The following HIP1R variants were observed in gnomAD, a reference collection of about 807,000 sequenced individuals.
The protein encoded by HIP1R is huntingtin interacting protein 1 related.
Under a neutral mutation model 144.2 loss-of-function variants are expected in HIP1R, and 135 were observed. The ratio of observed to expected loss-of-function variants is 0.94; its 90% CI spans 0.81 to 1.08. HIP1R has a LOEUF of 1.08. HIP1R is among the 50% of genes least tolerant of loss of function. The probability of loss-of-function intolerance (pLI) is 0.00; values close to 1 mark genes in which losing one functional copy is unlikely to be tolerated. For missense variants in HIP1R, 1,462 were observed against 1,432.8 expected (o/e 1.02, Z -0.33); for synonymous variants, 698 against 612.8 (o/e 1.14, Z -2.05).
intron 30 of HIP1R, 41 bp downstream of exon 30, chr12:122,861,233 C>G: frequency 6.2e-7 from 1 of 1,613,248 alleles, no homozygotes. Flanking sequence ...GAGCTCATCC[C>G]TCGGGCGAAG....
chr12:122,843,721 C>A (rs942900281), intron 1 of HIP1R, among the ~76,000 whole-genome samples: 1 of 152,202 alleles, frequency 6.6e-6, no homozygotes, highest in Non-Finnish European at 1.5e-5. Context: ...TTTTTCGAGA[C>A]CCGAAAAGCT....
chr12:122,858,990 T>C (rs2033680196), intron 21 of HIP1R, 45 bp downstream of exon 21: 1 of 1,609,658 alleles, frequency 6.2e-7, no homozygotes, highest in African/African-American at 1.3e-5. Context: ...CTCACTGGCT[T>C]GTCTCCCCTG....
rs371704052 is a variant in HIP1R at position 122,860,461 on chromosome 12, G to A, written c.2598G>A (p.Ser866=). ...AGCAGGAATTTTACGCCAAGAACTC[G>A]CGCTGGACCGAAGGCCTCATCTCGG... The part of the protein sequence containing the change: ...ATQQEFYAKN[S]RWTEGLISAS... Residue 866 remains serine (S), a synonymous_variant, in exon 27 of 32, where the codon TCG becomes TCA. Transcript: ENST00000253083. The A allele has an allele frequency of 3.1e-5, 50 of 1,613,382 alleles. 1 individual carries two copies. In the South Asian group the frequency reaches 4.2e-4, roughly 13 times the overall value.
At chr12:122,856,794 T>A in intron 17 of HIP1R, 68 bp downstream of exon 17, 1 of 1,367,954 alleles carries the variant, frequency 7.3e-7, no homozygotes, top group Non-Finnish European at 1.0e-6. Flanking sequence ...CAGGTCCTCT[T>A]TCCCGTGAAC....
At chr12:122,849,369 G>T (rs1018741291) in intron 4 of HIP1R, among the ~76,000 whole-genome samples, 26 of 152,258 alleles carry the variant, frequency 1.7e-4, no homozygotes, top group Admixed American at 9.2e-4. Flanking sequence ...TGCCTGGGCA[G>T]GGACATAGGA....
At chr12:122,846,124 G>A (rs1272513956) in intron 1 of HIP1R, among the ~76,000 whole-genome samples, 1 of 152,174 alleles carries the variant, frequency 6.6e-6, no homozygotes, top group Non-Finnish European at 1.5e-5. Context: ...AGACGGACAC[G>A]CCTGGCTTGT....
At chr12:122,851,702 A>G (rs1297823932) in intron 7 of HIP1R, among the ~76,000 whole-genome samples, 7 of 138,856 alleles carry the variant, frequency 5.0e-5, no homozygotes, top group African/African-American at 1.2e-4. Context: ...AAAAAAGAAA[A>G]AGAAATGCCC....
At position 122,840,335 on chromosome 12, in the gene HIP1R, G is replaced by T. The variant is rs2033024043; in HGVS notation, c.93+4692G>T. Among the ~76,000 whole-genome samples, 1 of 152,226 alleles carries T rather than the reference G, an allele frequency of 6.6e-6. No individual in the cohort carries two copies. Among genetic ancestry groups the T allele is most frequent in the Admixed American group, 6.5e-5 (1 of 15,280 alleles). On this transcript the variant is annotated intron_variant, in intron 1 of 31. Coordinates refer to ENST00000253083, the MANE Select transcript of HIP1R (RefSeq NM_003959.3). The surrounding 1 kb of genome is among the most constrained non-coding windows in gnomAD (Gnocchi z 4.2). The stretch of plus-strand genomic sequence containing the variant: ...CCTGTAGCTTTGGGGTGTGCCCCAG[G>T]AAGGTCCGAGTCATCTTTGTACCCT...
At chr12:122,853,214 G>A (rs12298151) in intron 7 of HIP1R, among the ~76,000 whole-genome samples, 14,912 of 150,896 alleles carry the variant, frequency 0.099, 952 homozygotes, top group East Asian at 0.23. Flanking sequence ...TACAAGGCCC[G>A]ATTGTCAGGG....
In HIP1R at chr12:122,858,169, C is replaced by T. The variant is rs920789965; in HGVS notation, c.1883C>T (p.Ala628Val). 2 of 1,607,086 alleles carry T rather than the reference C, an allele frequency of 1.2e-6. No individual in the cohort carries two copies. The highest frequency in any genetic ancestry group is 1.7e-6 in the Non-Finnish European group (2 of 1,178,406). The change falls in exon 19 of 32, where the codon GCT becomes GTT. Residue 628 changes from alanine to valine, a missense_variant. Ala to Val is a moderately conservative substitution (Grantham distance 64). Transcript: ENST00000253083. ...DEQFAVLRGAAAEAAGILQDA... is the reference protein window; with the variant it reads ...DEQFAVLRGAVAEAAGILQDA... ...CAGTTCGCAGTGTTGCGGGGCGCTGCTGCCGAGGCCGCGGGCATCCTGCAG... is the reference window on the plus strand; with the variant it reads ...CAGTTCGCAGTGTTGCGGGGCGCTGTTGCCGAGGCCGCGGGCATCCTGCAG...
At chr12:122,857,364 A>C in intron 18 of HIP1R, 149 bp downstream of exon 18, 1 of 764,726 alleles carries the variant, frequency 1.3e-6, no homozygotes, top group Admixed American at 2.1e-5. Flanking sequence ...TTCACTCAGC[A>C]TCACGTTGTC....
chr12:122,835,635 A>C lies in HIP1R; in HGVS notation c.85A>C (p.Lys29Gln). 1.7e-6 allele frequency: 2 copies of C among 1,192,476 alleles called. No individual in the cohort carries two copies. The highest frequency in any genetic ancestry group is 1.7e-5 in the African/African-American group (1 of 57,222). 73.9% of individuals were successfully genotyped at this position (1,192,476 alleles called of 1,614,324 possible). ...SLEAEREQFDKTQAISISKAI... is the reference protein window; with the variant it reads ...SLEAEREQFDQTQAISISKAI... ...GGAGGCCGAGCGCGAGCAGTTCGACAAGACCCAGGCGAGCGGGCGGCGGGC... is the reference window on the plus strand; with the variant it reads ...GGAGGCCGAGCGCGAGCAGTTCGACCAGACCCAGGCGAGCGGGCGGCGGGC... Residue 29 changes from lysine to glutamine, a missense_variant, in exon 1 of 32, where the codon AAG becomes CAG. Around this residue, in one of 2 missense-constraint regions of HIP1R, gnomAD observed 350 missense variants for 421.1 expected, o/e 0.83. Coordinates refer to ENST00000253083, the MANE Select transcript of HIP1R (RefSeq NM_003959.3).
chr12:122,859,608 G>T, intron 23 of HIP1R, 72 bp downstream of exon 23: 5 of 1,404,506 alleles, frequency 3.6e-6, no homozygotes, highest in Non-Finnish European at 5.0e-6. Flanking sequence ...ACTGGGCTGG[G>T]TACAGGCTGC....
rs748692614 is a variant in HIP1R at position 122,860,537 on chromosome 12, G to C, written c.2660+14G>C. On this transcript the variant is annotated intron_variant, in intron 27 of 31. Transcript: ENST00000253083. ...CACACAGCTGGTGTAGGTTGCCCTG[G>C]GTGGGGGGGGGCAGGGGGCTGCTTC... 6.2e-7 allele frequency: 1 copy of C among 1,602,654 alleles called. No homozygotes were observed. Among genetic ancestry groups the C allele is most frequent in the African/African-American group, 1.3e-5 (1 of 74,630 alleles).
At chr12:122,841,685 C>T (rs1422617776) in intron 1 of HIP1R, among the ~76,000 whole-genome samples, 3 of 152,130 alleles carry the variant, frequency 2.0e-5, no homozygotes, top group East Asian at 1.9e-4. Context: ...TTGGGACAGA[C>T]GGGTTTGTGG....
intron 7 of HIP1R, among the ~76,000 whole-genome samples, chr12:122,851,531 C>T (rs987249159): frequency 2.0e-5 from 3 of 151,916 alleles, no homozygotes; most frequent in Admixed American, 1.3e-4. Flanking sequence ...AACCCTGTCT[C>T]TACTAAAAAA....
At chr12:122,844,056 C>T (rs946729934) in intron 1 of HIP1R, among the ~76,000 whole-genome samples, 2 of 152,154 alleles carry the variant, frequency 1.3e-5, no homozygotes, top group Admixed American at 6.5e-5. Flanking sequence ...CCAGGCTGGT[C>T]TCAAACTCCT....
rs200261764 is a variant in HIP1R, at chr12:122,855,125, C to T, written c.849C>T (p.Pro283=). Residue 283 remains proline (P), a synonymous_variant, in exon 10 of 32, where the codon CCC becomes CCT. Coordinates refer to ENST00000253083, the MANE Select transcript of HIP1R (RefSeq NM_003959.3). The stretch of plus-strand genomic sequence containing the variant: ...GGCTCATCCAGATCCCCCGGCTGCC[C>T]GAGGTACCACCCCCAAGAGGGCCCC... ...FKRLIQIPRL[P]EGPPNFLRAS... 8.2e-5 allele frequency: 133 copies of T among 1,613,568 alleles called. No individual in the cohort carries two copies. The highest frequency in any genetic ancestry group is 1.1e-4 in the Non-Finnish European group (124 of 1,180,010).
At chr12:122,860,860 C>G in intron 28 of HIP1R, 56 bp from the exon 29 acceptor site, 1 of 1,596,274 alleles carries the variant, frequency 6.3e-7, no homozygotes, top group Non-Finnish European at 8.5e-7. Context: ...CAAGCCCAGG[C>G]CTGCTGCTGC....
Sources: gnomAD v4.1 joint callset for allele counts (sites outside exome capture counted in the v4.1 genomes callset) on GRCh38, gnomAD v4.1.1 for gene constraint, gnomAD v4.1.1 regional missense constraint, Gnocchi (gnomAD v3.1) non-coding constraint, MANE v1.5 for transcripts, NCBI Gene and HGNC (gene_info 2026-07-23, HGNC 2026-07-21) for gene names.